GPBP1L1: variants seen among roughly 807,000 people sequenced by gnomAD.
GPBP1L1 encodes the protein GC-rich promoter binding protein 1 like 1.
In GPBP1L1, 23 loss-of-function variants were observed where a neutral mutation model predicts 52.5. The observed-to-expected ratio is 0.44, with a 90% CI of 0.32 to 0.62. The LOEUF (loss-of-function observed/expected upper bound fraction) is 0.62. Ranked by LOEUF, GPBP1L1 falls within the 20% of genes least tolerant of loss-of-function variation. GPBP1L1 has a pLI of 0.06. For missense variants in GPBP1L1, 596 were observed against 579.3 expected (o/e 1.03, Z -0.30); for synonymous variants, 243 against 203.1 (o/e 1.20, Z -1.67).
At chr1:45,647,354 G>C (rs1644762473) in intron 6 of GPBP1L1, among the ~76,000 whole-genome samples, 1 of 151,924 alleles carries the variant, frequency 6.6e-6, no homozygotes, top group South Asian at 2.1e-4. Flanking sequence ...TCTCTCTGCA[G>C]CTCAATCTGG....
chr1:45,651,347 A>G, intron 6 of GPBP1L1: 2 of 379,058 alleles, frequency 5.3e-6, no homozygotes, highest in South Asian at 2.1e-5. Context: ...GATGGGATCC[A>G]TGTCATATGC....
chr1:45,649,447 T>C (rs1017994934), intron 6 of GPBP1L1, among the ~76,000 whole-genome samples: 1 of 140,074 alleles, frequency 7.1e-6, no homozygotes, highest in Admixed American at 7.3e-5. Flanking sequence ...AGTTCTTTAA[T>C]CTGGAGCTTT....
intron 2 of GPBP1L1, among the ~76,000 whole-genome samples, chr1:45,677,410 T>G (rs1488081795): frequency 6.6e-6 from 1 of 150,914 alleles, no homozygotes; most frequent in African/African-American, 2.4e-5. Flanking sequence ...CTTGGAAGGC[T>G]GGGGTGGGAG....
chr1:45,684,258 C>CAAAAAAAAAAAAAAAA (rs60624036), intron 2 of GPBP1L1, among the ~76,000 whole-genome samples: 2 of 88,466 alleles, frequency 2.3e-5, no homozygotes, highest in African/African-American at 4.7e-5. Context: ...AACTCCGTCT[C>CAAAAAAAAAAAAAAAA]AAAAAAAAAA....
At chr1:45,675,708 T>C (rs1042990492) in intron 2 of GPBP1L1, among the ~76,000 whole-genome samples, 3 of 152,160 alleles carry the variant, frequency 2.0e-5, no homozygotes, top group Non-Finnish European at 4.4e-5. Flanking sequence ...CCTGGCTATA[T>C]TTTGTAATTT....
Position 45,659,458 on chromosome 1 carries a change from A to G in GPBP1L1, c.-55-316T>C, listed in dbSNP as rs542300290. ...AAAGATCATCCTGCTTCAGCCTCGC[A>G]AAGTGTTGGGATTACAGGTGTGAGT... On this transcript the variant is annotated intron_variant, in intron 3 of 12. Coordinates refer to ENST00000355105, the MANE Select transcript of GPBP1L1 (RefSeq NM_021639.5). Among the ~76,000 whole-genome samples the G allele has an allele frequency of 2.6e-4, 39 of 152,292 alleles. No individual in the cohort carries two copies. The South Asian group carries it at 7.7e-3, about 30-fold the overall frequency.
chr1:45,670,667 C>G (rs569043021), intron 2 of GPBP1L1, among the ~76,000 whole-genome samples: 3 of 151,814 alleles, frequency 2.0e-5, no homozygotes, highest in Non-Finnish European at 4.4e-5. Context: ...CAGAAGTATT[C>G]TTTTTCCACT....
intron 2 of GPBP1L1, among the ~76,000 whole-genome samples, 199 bp downstream of exon 2, chr1:45,685,377 T>C (rs979131864): frequency 3.3e-5 from 5 of 152,202 alleles, no homozygotes; most frequent in African/African-American, 4.8e-5. Context: ...ATTAACTGTA[T>C]TTTTCTGGTA....
rs778572363 is a variant in GPBP1L1, at chr1:45,629,653, C to G, written c.1195G>C (p.Glu399Gln). Residue 399 changes from glutamate to glutamine, a missense_variant, in exon 12 of 13, where the codon GAA becomes CAA. Coordinates refer to ENST00000355105, the MANE Select transcript of GPBP1L1 (RefSeq NM_021639.5). ...HRLLKAMGWQ[E>Q]YPENDENCLP... ...CAATTCTCATCATTTTCAGGATATT[C>G]CTGCCAACCCATAGCTTTCAATAAC... is the stretch of plus-strand genomic sequence containing the variant. 1.9e-6 allele frequency: 3 copies of G among 1,612,756 alleles called. No homozygotes were observed. The highest frequency in any genetic ancestry group is 2.5e-6 in the Non-Finnish European group (3 of 1,178,740).
chr1:45,634,552 C>G (rs1205655766), intron 8 of GPBP1L1: 1 of 214,092 alleles, frequency 4.7e-6, no homozygotes, highest in Non-Finnish European at 9.2e-6. Context: ...TGCAATTTCT[C>G]AAAGCACTTA....
chr1:45,655,941 C>G (rs1221980304), intron 4 of GPBP1L1: 1 of 152,316 alleles, frequency 6.6e-6, no homozygotes, highest in Non-Finnish European at 1.5e-5. Flanking sequence ...GGCTAATTTT[C>G]TAAATTTTTT....
In GPBP1L1 at chr1:45,628,229, C is replaced by G. The variant is rs1228477861; in HGVS notation, c.*27G>C. On this transcript the variant is annotated 3_prime_UTR_variant, in exon 13 of 13. Coordinates refer to ENST00000355105, the MANE Select transcript of GPBP1L1 (RefSeq NM_021639.5). ...CCTAAACACACAGAGTTTACTGGGT[C>G]AGATTTAACTGTGAGCATTTATATG... 5 of 1,608,574 alleles carry G rather than the reference C, an allele frequency of 3.1e-6. No homozygotes were observed. The highest frequency in any genetic ancestry group is 4.3e-6 in the Non-Finnish European group (5 of 1,176,008).
At chr1:45,683,066 TTTTTA>T (rs1432627048) in intron 2 of GPBP1L1, among the ~76,000 whole-genome samples, 2 of 152,080 alleles carry the variant, frequency 1.3e-5, no homozygotes, top group Non-Finnish European at 2.9e-5. Flanking sequence ...AGTTTTTTTT[TTTTTA>T]GTTGGAATCC....
intron 6 of GPBP1L1, among the ~76,000 whole-genome samples, chr1:45,649,203 G>A (rs1644790342): frequency 6.6e-6 from 1 of 152,166 alleles, no homozygotes; most frequent in South Asian, 2.1e-4. Flanking sequence ...TGAACCATGT[G>A]CAAGTTGCAG....
At chr1:45,682,025 A>G (rs1431126450) in intron 2 of GPBP1L1, among the ~76,000 whole-genome samples, 2 of 152,202 alleles carry the variant, frequency 1.3e-5, no homozygotes, top group Non-Finnish European at 2.9e-5. Flanking sequence ...GTAAGGAATA[A>G]TAAGATTACA....
At chr1:45,651,008 G>A in intron 6 of GPBP1L1, 1 of 353,102 alleles carries the variant, frequency 2.8e-6, no homozygotes, top group South Asian at 2.2e-5. Flanking sequence ...TTTATGTAAA[G>A]AAAGCTCAAC....
In GPBP1L1 at chr1:45,667,794, C is replaced by T. The variant is rs550976741; in HGVS notation, c.-1097-6569G>A. 2.0e-5 allele frequency among the ~76,000 whole-genome samples: 3 copies of T among 152,326 alleles called. No individual in the cohort carries two copies. In the East Asian group the frequency reaches 5.8e-4, roughly 29 times the overall value. ...AGACAGAGTCTCATTGTCGCCCAGG[C>T]TGGAGTACAATGGCTCAATCTTGGC... On this transcript the variant is annotated intron_variant, in intron 2 of 12. Coordinates refer to ENST00000355105, the MANE Select transcript of GPBP1L1 (RefSeq NM_021639.5).
At chr1:45,633,808 G>T in intron 9 of GPBP1L1, 161 bp from the exon 10 acceptor site, 2 of 775,568 alleles carry the variant, frequency 2.6e-6, no homozygotes, top group Non-Finnish European at 4.0e-6. Context: ...AGTTTTGCAG[G>T]GTTTATATAG....
At position 45,654,584 on chromosome 1, in the gene GPBP1L1, C is replaced by A; in HGVS notation, c.436G>T (p.Glu146Ter). ...AACTGCAACTTTTCCACCTTGTCTT[C>A]TTTCTTTTCTTCCCTAATCTCCATA... ...PPMEIREEKK[E>*]DKVEKLQFEE... The change falls in exon 6 of 13, where the codon GAA becomes TAA. Residue 146 changes from glutamate (E) to a stop codon, truncating the protein, a stop_gained. Coordinates refer to ENST00000355105, the MANE Select transcript of GPBP1L1 (RefSeq NM_021639.5). LOFTEE classifies it high-confidence loss of function. 6.2e-7 allele frequency: 1 copy of A among 1,613,088 alleles called. No individual in the cohort carries two copies. The highest frequency in any genetic ancestry group is 8.5e-7 in the Non-Finnish European group (1 of 1,179,100).
Sources: gnomAD v4.1 joint callset for allele counts (sites outside exome capture counted in the v4.1 genomes callset) on GRCh38, gnomAD v4.1.1 for gene constraint, MANE v1.5 for transcripts, NCBI Gene and HGNC (gene_info 2026-07-23, HGNC 2026-07-21) for gene names.